The following FRK variants were observed in gnomAD, a reference collection of about 807,000 sequenced individuals.
FRK encodes tyrosine-protein kinase FRK.
In FRK, 51 loss-of-function variants were observed where a neutral mutation model predicts 56.4. That is an observed-to-expected ratio of 0.90 (90% CI 0.72 to 1.14). The LOEUF is 1.14. FRK is among the 50% of genes most tolerant of loss of function. The pLI is 0.00. For missense variants in FRK, 570 were observed against 601.4 expected, an observed-to-expected ratio of 0.95 and a Z score of 0.55; for synonymous variants, 245 against 217.9, an observed-to-expected ratio of 1.12 and a Z score of -1.10.
At chr6:116,056,750 G>T (rs139783091) in intron 1 of FRK, among the ~76,000 whole-genome samples, 14 of 152,246 alleles carry the variant, frequency 9.2e-5, no homozygotes, top group African/African-American at 3.1e-4. Context: ...ATTTCACATT[G>T]AAGATGTTGA....
chr6:115,966,058 A>AG (rs1267225044), intron 4 of FRK, among the ~76,000 whole-genome samples: 1 of 21,918 alleles, frequency 4.6e-5, no homozygotes, highest in Non-Finnish European at 7.4e-5. Context: ...AATAAAAAAA[A>AG]AATTAAAAAA....
the FRK span, among the ~76,000 whole-genome samples, chr6:116,079,044 T>C: frequency 1.3e-3 from 199 of 152,302 alleles, no homozygotes; most frequent in African/African-American, 4.6e-3. Context: ...TTTTGGGTTA[T>C]TTGCGGTTTG....
chr6:116,014,500 T>C (rs1775577914), intron 1 of FRK, among the ~76,000 whole-genome samples: 1 of 149,014 alleles, frequency 6.7e-6, no homozygotes, highest in African/African-American at 2.5e-5. Flanking sequence ...TGTGCACAAG[T>C]GAAGAAACCA....
chr6:116,080,127 A>C, the FRK span, among the ~76,000 whole-genome samples: 4 of 152,180 alleles, frequency 2.6e-5, no homozygotes, highest in African/African-American at 9.7e-5. Flanking sequence ...AGAAAATATA[A>C]GAAAAATGTT....
At chr6:116,085,877 A>T in the FRK span, among the ~76,000 whole-genome samples, 5 of 152,260 alleles carry the variant, frequency 3.3e-5, no homozygotes, top group Admixed American at 3.3e-4. Context: ...TTTTGTTTAT[A>T]TAACAATTAC....
the FRK span, among the ~76,000 whole-genome samples, chr6:116,082,385 G>A: frequency 6.6e-6 from 1 of 152,188 alleles, no homozygotes; most frequent in Non-Finnish European, 1.5e-5. Context: ...ACAGAATTGG[G>A]ATGGAGAGGG....
chr6:116,069,858 AG>A, the FRK span, among the ~76,000 whole-genome samples: 1 of 152,122 alleles, frequency 6.6e-6, no homozygotes, highest in Non-Finnish European at 1.5e-5. Flanking sequence ...ATTCTAATTC[AG>A]TAGATCTGGA....
chr6:116,014,994 C>A (rs918690173), intron 1 of FRK, among the ~76,000 whole-genome samples: 3 of 152,012 alleles, frequency 2.0e-5, no homozygotes, highest in Non-Finnish European at 4.4e-5. Flanking sequence ...AAGAAACTAA[C>A]CAACTCTTTC....
chr6:116,012,478 G>T (rs898316684), intron 1 of FRK, among the ~76,000 whole-genome samples: 14 of 152,150 alleles, frequency 9.2e-5, no homozygotes, highest in Non-Finnish European at 1.5e-4. Context: ...GCATACAAAA[G>T]CTAGCGATGC....
intron 1 of FRK, among the ~76,000 whole-genome samples, chr6:116,040,787 A>G (rs1776680840): frequency 6.6e-6 from 1 of 152,180 alleles, no homozygotes; most frequent in Non-Finnish European, 1.5e-5. Context: ...GTAATAGTCT[A>G]AGTCTTGGGC....
At chr6:115,983,314 A>C (rs952392337) in intron 2 of FRK, among the ~76,000 whole-genome samples, 2 of 152,096 alleles carry the variant, frequency 1.3e-5, no homozygotes, top group African/African-American at 4.8e-5. Flanking sequence ...TAATCCCTAC[A>C]TATCTCCCTC....
Position 116,041,693 on chromosome 6 carries a change from G to A in FRK, c.344+18275C>T, listed in dbSNP as rs182596647. On this transcript the variant is annotated intron_variant, in intron 1 of 7. Transcript: ENST00000606080. Reference sequence around the variant, plus strand: ...AAGGGAAGCCGTAAGGGACTATGCCGTGAGGAACGGTGCACTCCAGCCCAG... The same window carrying A: ...AAGGGAAGCCGTAAGGGACTATGCCATGAGGAACGGTGCACTCCAGCCCAG... 2.2e-3 allele frequency among the ~76,000 whole-genome samples: 328 copies of A among 152,286 alleles called. 1 individual carries two copies. Among genetic ancestry groups the A allele is most frequent in the Non-Finnish European group, 3.6e-3 (248 of 68,028 alleles).
chr6:116,031,476 G>T (rs1485051342), intron 1 of FRK, among the ~76,000 whole-genome samples: 3 of 152,136 alleles, frequency 2.0e-5, no homozygotes, highest in African/African-American at 7.2e-5. Context: ...GTTGAGAAGA[G>T]ATGTAATGCA....
At chr6:115,997,561 A>G (rs997759182) in intron 2 of FRK, among the ~76,000 whole-genome samples, 1 of 151,970 alleles carries the variant, frequency 6.6e-6, no homozygotes, top group African/African-American at 2.4e-5. Flanking sequence ...TTAATACCTC[A>G]TTTAGCCAAA....
chr6:116,060,509 C>A lies in FRK; in HGVS notation c.-198G>T. The A allele has an allele frequency of 1.8e-6, 1 of 553,686 alleles. No homozygotes were observed. Among genetic ancestry groups the A allele is most frequent in the Non-Finnish European group, 3.2e-6 (1 of 313,248 alleles). The allele number at this position is 553,686 out of a possible 1,614,324, so 34.3% of individuals were successfully genotyped here. ...CTACCTGGAGAGACTTACCGGCTTG[C>A]TTTCTGTGGCTGGAGGTGCTACCCC... On this transcript the variant is annotated 5_prime_UTR_variant, in exon 1 of 8. Transcript: ENST00000606080.
chr6:116,039,134 G>A, intron 1 of FRK: 1 of 911,888 alleles, frequency 1.1e-6, no homozygotes, highest in Admixed American at 1.7e-5. Flanking sequence ...CGCTTGCACT[G>A]GGGAGAAGCT....
intron 1 of FRK, among the ~76,000 whole-genome samples, chr6:116,004,379 G>A (rs763102115): frequency 1.3e-5 from 2 of 152,028 alleles, no homozygotes; most frequent in Non-Finnish European, 2.9e-5. Context: ...ACCATCCACT[G>A]CTTCCCCTAA....
At chr6:116,065,431 T>C (rs1777742838), upstream of FRK, among the ~76,000 whole-genome samples, 1 of 152,234 alleles carries the variant, frequency 6.6e-6, no homozygotes, top group Non-Finnish European at 1.5e-5. Context: ...AAACTCTTGC[T>C]GTGAACCCAT....
At chr6:116,095,656 C>T in the FRK span, among the ~76,000 whole-genome samples, 1 of 152,170 alleles carries the variant, frequency 6.6e-6, no homozygotes, top group Non-Finnish European at 1.5e-5. Flanking sequence ...GCAGGTTTAT[C>T]TACTTCATGA....
Sources: allele counts gnomAD v4.1 joint callset (sites outside exome capture counted in the v4.1 genomes callset), GRCh38; gene constraint gnomAD v4.1.1; transcripts MANE v1.5; gene names NCBI Gene and HGNC (gene_info 2026-07-23, HGNC 2026-07-21).